The following L3MBTL3 variants were observed in gnomAD, a reference collection of about 807,000 sequenced individuals.
L3MBTL3 encodes L3MBTL histone methyl-lysine binding protein 3, also known as lethal(3)malignant brain tumor-like protein 3.
Under a neutral mutation model 102.3 loss-of-function variants are expected in L3MBTL3, and 27 were observed. The observed-to-expected ratio is 0.26, with a 90% CI of 0.19 to 0.36. The LOEUF is 0.36. L3MBTL3 is among the 10% of genes least tolerant of loss of function. The pLI is 1.00. For synonymous variants in L3MBTL3, 340 were observed against 320.9 expected (o/e 1.06, Z -0.64); for missense variants, 798 against 955.3 (o/e 0.84, Z 2.17).
rs769733584 is a variant in L3MBTL3, at chr6:130,060,146, C to T, written c.864+6C>T. ...GTGTCCTCACCGTCGCGGAGGTAAG[C>T]TTTGCCTCGTCCTTTATTTTTAAAA... On this transcript the variant is annotated splice_donor_region_variant and intron_variant, in intron 10 of 22. Coordinates refer to ENST00000361794, the MANE Select transcript of L3MBTL3 (RefSeq NM_032438.4). 4.6e-6 allele frequency: 7 copies of T among 1,511,640 alleles called. No homozygotes were observed. The highest frequency in any genetic ancestry group is 1.4e-5 in the African/African-American group (1 of 72,404). The allele number at this position is 1,511,640 out of a possible 1,614,324, so 93.6% of individuals were successfully genotyped here.
chr6:130,111,397 A>G (rs1298287709), intron 19 of L3MBTL3, among the ~76,000 whole-genome samples: 1 of 152,154 alleles, frequency 6.6e-6, no homozygotes, highest in Non-Finnish European at 1.5e-5. Context: ...CCTCCCTGCC[A>G]CACAGCAGGC....
At chr6:130,089,907 A>T (rs1258294746) in intron 16 of L3MBTL3, among the ~76,000 whole-genome samples, 1 of 150,632 alleles carries the variant, frequency 6.6e-6, no homozygotes, top group African/African-American at 2.4e-5. Flanking sequence ...TTACATCAAC[A>T]CTCTATCTTT....
intron 16 of L3MBTL3, among the ~76,000 whole-genome samples, chr6:130,091,348 G>GT (rs1374360514): frequency 1.3e-5 from 2 of 152,038 alleles, no homozygotes; most frequent in Non-Finnish European, 2.9e-5. Context: ...TGGCAGACTT[G>GT]TTTTTTTAAT....
At chr6:130,138,708 A>G (rs1156373068) in intron 22 of L3MBTL3, among the ~76,000 whole-genome samples, 2 of 152,160 alleles carry the variant, frequency 1.3e-5, no homozygotes, top group Admixed American at 6.5e-5. Flanking sequence ...CTGATGTTCT[A>G]AGGCAGAGAA....
In L3MBTL3 at chr6:130,139,612, A is replaced by G. The variant is rs1231160156; in HGVS notation, c.2202A>G (p.Gln734=). ...EEHGKVFKDE[Q]IDGEAFLLMT... Reference sequence around the variant, plus strand: ...GTTGTTTTTTTCCCCCATTTTAGCAAATTGATGGAGAAGCATTTCTACTTA... The same window carrying G: ...GTTGTTTTTTTCCCCCATTTTAGCAGATTGATGGAGAAGCATTTCTACTTA... Residue 734 remains glutamine (Q), a splice_region_variant and synonymous_variant, in exon 23 of 23, where the codon CAA becomes CAG. Transcript: ENST00000361794. The G allele has an allele frequency of 1.2e-6, 2 of 1,612,448 alleles. No homozygotes were observed. Among genetic ancestry groups the G allele is most frequent in the African/African-American group, 1.3e-5 (1 of 74,988 alleles).
At chr6:130,124,459 G>C (rs960668258) in intron 20 of L3MBTL3, among the ~76,000 whole-genome samples, 1 of 152,150 alleles carries the variant, frequency 6.6e-6, no homozygotes, top group African/African-American at 2.4e-5. Flanking sequence ...TACTCTCTTG[G>C]TTTTGAAAAT....
chr6:130,122,052 T>C (rs1303788243), intron 20 of L3MBTL3, among the ~76,000 whole-genome samples: 1 of 152,168 alleles, frequency 6.6e-6, no homozygotes, highest in African/African-American at 2.4e-5. Context: ...AATTAAGCAA[T>C]GAAGTTGTAA....
At chr6:130,024,949 CCAATACACATGGCA>C (rs775437105) in intron 2 of L3MBTL3, among the ~76,000 whole-genome samples, 19 of 152,160 alleles carry the variant, frequency 1.2e-4, no homozygotes, top group Non-Finnish European at 2.4e-4. Flanking sequence ...GGCATATCAT[CCAATACACATGGCA>C]CAATATAATG....
intron 18 of L3MBTL3, among the ~76,000 whole-genome samples, chr6:130,098,606 C>A (rs1048847156): frequency 6.6e-6 from 1 of 152,136 alleles, no homozygotes; most frequent in African/African-American, 2.4e-5. Flanking sequence ...TTCCTATGTT[C>A]CAGGCACTGC....
At chr6:130,130,987 T>A (rs570215439) in intron 20 of L3MBTL3, among the ~76,000 whole-genome samples, 1 of 152,148 alleles carries the variant, frequency 6.6e-6, no homozygotes, top group Non-Finnish European at 1.5e-5. Context: ...TTACCACTTA[T>A]AACAGCCTCA....
chr6:130,078,415 T>C (rs1783094428), intron 13 of L3MBTL3, 143 bp from the exon 14 acceptor site: 1 of 543,550 alleles, frequency 1.8e-6, no homozygotes, highest in Admixed American at 3.6e-5. Flanking sequence ...GTTCTTTGGT[T>C]TAGCATTTTT....
chr6:130,020,944 TGTTAG>T (rs1047978004), intron 1 of L3MBTL3, among the ~76,000 whole-genome samples: 3 of 150,798 alleles, frequency 2.0e-5, no homozygotes, highest in African/African-American at 7.3e-5. Flanking sequence ...GATTTTTAAT[TGTTAG>T]GTTAGGGGAA....
chr6:130,029,205 C>T (rs944266357), intron 2 of L3MBTL3, among the ~76,000 whole-genome samples: 1 of 152,184 alleles, frequency 6.6e-6, no homozygotes, highest in Non-Finnish European at 1.5e-5. Flanking sequence ...CCACTTATGT[C>T]CTGGTCCTGG....
rs1205219942 is a variant in L3MBTL3 at position 130,042,778 on chromosome 6, A to G, written c.79A>G (p.Thr27Ala). The change falls in exon 3 of 23, where the codon ACG becomes GCG. Residue 27 changes from threonine to alanine, a missense_variant. Transcript: ENST00000361794. ...TATGGACTGGAAAGATGGAGTGGGCACGTTACCAGGAAGTGACTTAAAGGT... is the reference window on the plus strand; with the variant it reads ...TATGGACTGGAAAGATGGAGTGGGCGCGTTACCAGGAAGTGACTTAAAGGT... ...SVMDWKDGVG[T>A]LPGSDLKFRV... is the part of the protein sequence containing the mutation. 6.2e-7 allele frequency: 1 copy of G among 1,612,982 alleles called. No homozygotes were observed.
At chr6:130,046,835 G>A (rs1423975491) in intron 3 of L3MBTL3, among the ~76,000 whole-genome samples, 1 of 152,128 alleles carries the variant, frequency 6.6e-6, no homozygotes, top group African/African-American at 2.4e-5. Context: ...CAGAACCTGG[G>A]TGTTTTATTG....
chr6:130,069,213 T>G (rs1425981618), intron 12 of L3MBTL3, among the ~76,000 whole-genome samples: 1 of 152,194 alleles, frequency 6.6e-6, no homozygotes, highest in Non-Finnish European at 1.5e-5. Flanking sequence ...GCTTTCTCTC[T>G]AGTATGATCA....
chr6:130,049,137 T>G (rs1044887578), intron 3 of L3MBTL3, 145 bp from the exon 4 acceptor site: 1 of 594,964 alleles, frequency 1.7e-6, no homozygotes. Flanking sequence ...TTAGTATTGG[T>G]GGGAGGTGTA....
intron 6 of L3MBTL3, among the ~76,000 whole-genome samples, chr6:130,051,827 G>A (rs1415271273): frequency 2.2e-4 from 34 of 152,116 alleles, no homozygotes; most frequent in Non-Finnish European, 1.2e-4. Flanking sequence ...CCACTGATTC[G>A]TAATCAGCTG....
chr6:130,041,700 G>A lies in L3MBTL3; in HGVS notation c.-15-985G>A, dbSNP rs879439224. 2.0e-5 allele frequency among the ~76,000 whole-genome samples: 3 copies of A among 152,344 alleles called. No individual in the cohort carries two copies. The East Asian group carries it at 5.8e-4, about 29-fold the overall frequency. Reference sequence around the variant, plus strand: ...CAGAAGAAAGGGGCCAGAAGAAGGGGCCTATTCAGGTTGGCTCTTGAATTC... The same window carrying A: ...CAGAAGAAAGGGGCCAGAAGAAGGGACCTATTCAGGTTGGCTCTTGAATTC... On this transcript the variant is annotated intron_variant, in intron 2 of 22. Transcript: ENST00000361794.
Sources: gnomAD v4.1 joint callset for allele counts (sites outside exome capture counted in the v4.1 genomes callset) on GRCh38, gnomAD v4.1.1 for gene constraint, MANE v1.5 for transcripts, NCBI Gene and HGNC (gene_info 2026-07-23, HGNC 2026-07-21) for gene names.